Variants in TSEN2 observed in about 807,000 individuals in gnomAD.
The protein encoded by TSEN2 is tRNA-splicing endonuclease subunit Sen2.
A neutral mutation model predicts 59.2 loss-of-function variants in TSEN2; 54 were observed. The ratio of observed to expected loss-of-function variants is 0.91; its 90% CI spans 0.73 to 1.14. TSEN2 has a LOEUF of 1.14. Ranked by LOEUF, TSEN2 falls within the 50% of genes most tolerant of loss-of-function variation. TSEN2 has a pLI of 0.00. For missense variants in TSEN2, 636 were observed against 576.2 expected (o/e 1.10, Z -1.06); for synonymous variants, 195 against 198.2 (o/e 0.98, Z 0.14).
downstream of TSEN2, among the ~76,000 whole-genome samples, chr3:12,537,340 AG>A (rs2125278315): frequency 6.6e-6 from 1 of 152,232 alleles, no homozygotes; most frequent in Admixed American, 6.5e-5. Flanking sequence ...TTGAGGCTGC[AG>A]TGAGCCGTGA....
chr3:12,506,337 G>A (rs1378349011), intron 6 of TSEN2, among the ~76,000 whole-genome samples: 1 of 151,950 alleles, frequency 6.6e-6, no homozygotes, highest in Non-Finnish European at 1.5e-5. Context: ...GCTCACACCT[G>A]TAATCCCAGC....
chr3:12,492,324 C>A, intron 3 of TSEN2, 107 bp downstream of exon 3: 1 of 958,082 alleles, frequency 1.0e-6, no homozygotes, highest in Non-Finnish European at 1.6e-6. Flanking sequence ...GTAACATGTA[C>A]ACTGGCAGTT....
At chr3:12,504,385 C>T (rs1418030396) in intron 5 of TSEN2, among the ~76,000 whole-genome samples, 1 of 151,990 alleles carries the variant, frequency 6.6e-6, no homozygotes, top group African/African-American at 2.4e-5. Context: ...AGCTCAAGAC[C>T]AGCCAGGGCA....
chr3:12,484,347 C>G (rs911728669), upstream of TSEN2: 2 of 152,324 alleles, frequency 1.3e-5, no homozygotes, highest in Admixed American at 1.3e-4. Flanking sequence ...GCAGAGCTGG[C>G]GCACAGAACA....
chr3:12,491,947 G>A (rs913724943), intron 2 of TSEN2, among the ~76,000 whole-genome samples, 189 bp from the exon 3 acceptor site: 5 of 152,168 alleles, frequency 3.3e-5, no homozygotes, highest in Non-Finnish European at 5.9e-5. Context: ...ATATGGGAGG[G>A]CCTACGTAGA....
intron 3 of TSEN2, among the ~76,000 whole-genome samples, chr3:12,495,316 A>G (rs1559286229): frequency 6.6e-6 from 1 of 152,110 alleles, no homozygotes; most frequent in East Asian, 1.9e-4. Flanking sequence ...TGCAACCTCC[A>G]CCTCCTGGGC....
intron 4 of TSEN2, among the ~76,000 whole-genome samples, chr3:12,499,888 C>A (rs1259946925): frequency 6.6e-6 from 1 of 152,180 alleles, no homozygotes; most frequent in Non-Finnish European, 1.5e-5. Flanking sequence ...GCCCCAGAAC[C>A]TATGTGCGCT....
chr3:12,507,290 A>C (rs570043163), intron 6 of TSEN2, among the ~76,000 whole-genome samples: 70 of 152,344 alleles, frequency 4.6e-4, no homozygotes, highest in African/African-American at 1.3e-3. Context: ...GCCACTGGCT[A>C]CTGTATTGAA....
At chr3:12,519,644 G>A (rs1407617535) in intron 8 of TSEN2, among the ~76,000 whole-genome samples, 1 of 152,148 alleles carries the variant, frequency 6.6e-6, no homozygotes, top group Non-Finnish European at 1.5e-5. Flanking sequence ...TACTCGGGAG[G>A]CTGAGGCAGG....
Position 12,519,212 on chromosome 3 carries a change from G to C in TSEN2, c.1099+15G>C. Reference sequence around the variant, plus strand: ...GACAGATTTACGTAAGTAATTCTTGGCGTGGTGTGTGTGAGAATAGAGTTT... The same window carrying C: ...GACAGATTTACGTAAGTAATTCTTGCCGTGGTGTGTGTGAGAATAGAGTTT... On this transcript the variant is annotated intron_variant, in intron 8 of 11. Transcript: ENST00000284995. 1 of 1,614,188 alleles carries C rather than the reference G, an allele frequency of 6.2e-7. No individual in the cohort carries two copies. Among genetic ancestry groups the C allele is most frequent in the Admixed American group, 1.7e-5 (1 of 60,022 alleles).
At chr3:12,483,760 G>T (rs539859438), upstream of TSEN2, among the ~76,000 whole-genome samples, 1 of 152,254 alleles carries the variant, frequency 6.6e-6, no homozygotes, top group African/African-American at 2.4e-5. Flanking sequence ...GTATATATTG[G>T]ACTCCCCACA....
chr3:12,529,725 A>G, intron 9 of TSEN2, 37 bp from the exon 10 acceptor site: 1 of 1,570,548 alleles, frequency 6.4e-7, no homozygotes, highest in Non-Finnish European at 8.8e-7. Context: ...GATTTATTTC[A>G]TGATTACTTT....
intron 6 of TSEN2, among the ~76,000 whole-genome samples, chr3:12,516,027 A>T (rs962862705): frequency 6.6e-6 from 1 of 152,172 alleles, no homozygotes; most frequent in South Asian, 2.1e-4. Context: ...AAACATTCAT[A>T]AAAATCTTTT....
intron 4 of TSEN2, 108 bp downstream of exon 4, chr3:12,496,662 G>A: frequency 9.1e-7 from 1 of 1,103,262 alleles, no homozygotes; most frequent in Non-Finnish European, 1.4e-6. Flanking sequence ...TTTTCTTTCT[G>A]TTTTTGGTAG....
At chr3:12,496,292 C>T (rs745407808) in intron 3 of TSEN2, among the ~76,000 whole-genome samples, 1 of 152,230 alleles carries the variant, frequency 6.6e-6, no homozygotes. Flanking sequence ...CTGAGGTCCC[C>T]TCTAAGCCCA....
intron 6 of TSEN2, among the ~76,000 whole-genome samples, chr3:12,511,967 A>C (rs1015623753): frequency 1.3e-5 from 2 of 152,244 alleles, no homozygotes; most frequent in Non-Finnish European, 2.9e-5. Context: ...ACAAAGGCAA[A>C]ATTACAGGCA....
chr3:12,481,483 TTG>T (rs2052193413), upstream of TSEN2, among the ~76,000 whole-genome samples: 1 of 152,026 alleles, frequency 6.6e-6, no homozygotes, highest in South Asian at 2.1e-4. Flanking sequence ...GAGCTCTAGT[TTG>T]TGCCATGTTT....
intron 8 of TSEN2, 57 bp from the exon 9 acceptor site, chr3:12,528,831 A>C: frequency 6.3e-7 from 1 of 1,584,238 alleles, no homozygotes; most frequent in Non-Finnish European, 8.7e-7. Flanking sequence ...GTTGAGTCTT[A>C]CTCCTCTCTC....
chr3:12,531,593 T>C lies in TSEN2; in HGVS notation c.1272T>C (p.Ile424=), dbSNP rs111535594. The change falls in exon 11 of 12, where the codon ATT becomes ATC. Residue 424 remains isoleucine (I), a synonymous_variant. Coordinates refer to ENST00000284995, the MANE Select transcript of TSEN2 (RefSeq NM_025265.4). ...VSKELMLCYL[I]KPSTMTDKEM... ...AGGAACTTATGCTGTGCTATTTGAT[T>C]AAACCCTCTACTATGACTGACAAGG... 2.2e-5 allele frequency: 36 copies of C among 1,611,898 alleles called. 1 individual carries two copies. Among genetic ancestry groups the C allele is most frequent in the African/African-American group, 2.1e-4 (16 of 75,016 alleles).
Sources: allele counts gnomAD v4.1 joint callset (sites outside exome capture counted in the v4.1 genomes callset), GRCh38; gene constraint gnomAD v4.1.1; transcripts MANE v1.5; gene names NCBI Gene and HGNC (gene_info 2026-07-23, HGNC 2026-07-21).